The following KLHL12 variants were observed in gnomAD, a reference collection of about 807,000 sequenced individuals.
The protein encoded by KLHL12 is kelch like family member 12, also known as kelch-like protein 12.
KLHL12 carries 17 observed loss-of-function variants against 60.8 expected under a neutral mutation model. The observed-to-expected ratio is 0.28, with a 90% confidence interval of 0.19 to 0.42. The LOEUF is 0.42. Ranked by LOEUF, KLHL12 falls within the 10% of genes least tolerant of loss-of-function variation. The pLI is 1.00. For missense variants in KLHL12, 468 were observed against 722.3 expected, an observed-to-expected ratio of 0.65 and a Z score of 4.04; for synonymous variants, 220 against 250.9, an observed-to-expected ratio of 0.88 and a Z score of 1.16.
chr1:202,905,968 CTTTTTTTTTT>C (rs71142574), intron 6 of KLHL12, among the ~76,000 whole-genome samples: 3 of 51,670 alleles, frequency 5.8e-5, no homozygotes, highest in African/African-American at 1.5e-4. Flanking sequence ...CCACACCTGG[CTTTTTTTTTT>C]TTTTTTTTTT....
intron 4 of KLHL12, among the ~76,000 whole-genome samples, chr1:202,913,805 C>T (rs1027978101): frequency 5.3e-5 from 8 of 152,186 alleles, no homozygotes; most frequent in Non-Finnish European, 8.8e-5. Flanking sequence ...ACTAGAAATG[C>T]ATTGTCCAAT....
At position 202,919,738 on chromosome 1, in the gene KLHL12, A is replaced by C; in HGVS notation, c.349+17T>G. The C allele has an allele frequency of 6.3e-7, 1 of 1,582,284 alleles. No homozygotes were observed. On this transcript the variant is annotated intron_variant, in intron 3 of 11. Coordinates refer to ENST00000367261, the MANE Select transcript of KLHL12 (RefSeq NM_021633.4). Reference sequence around the variant, plus strand: ...GGCTATTTTGACATAAACAATAGCAAGTTTTAATGTCTGTACCTTTCAACT... The same window carrying C: ...GGCTATTTTGACATAAACAATAGCACGTTTTAATGTCTGTACCTTTCAACT...
At chr1:202,927,972 T>A (rs1188723657), upstream of KLHL12, among the ~76,000 whole-genome samples, 1 of 109,640 alleles carries the variant, frequency 9.1e-6, no homozygotes, top group Non-Finnish European at 1.8e-5. Context: ...CGACTGAGAC[T>A]CTGTCTCTTA....
chr1:202,920,306 T>TC (rs1389394939), intron 2 of KLHL12, among the ~76,000 whole-genome samples: 4 of 149,480 alleles, frequency 2.7e-5, no homozygotes, highest in African/African-American at 9.8e-5. Context: ...AGAGTGAGAC[T>TC]CCATTTCAAA....
intron 4 of KLHL12, 81 bp downstream of exon 4, chr1:202,918,090 A>G: frequency 2.0e-6 from 2 of 986,118 alleles, no homozygotes; most frequent in South Asian, 1.5e-5. Context: ...TGAAGCCCTG[A>G]TGGTAAGTAA....
Position 202,892,617 on chromosome 1 carries a change from G to A in KLHL12, c.1623C>T (p.Asp541=). Residue 541 remains aspartate (D), a synonymous_variant, in exon 12 of 12, where the codon GAC becomes GAT. Transcript: ENST00000367261. ...NSLLSSIECY[D]PIIDSWEVVT... The stretch of plus-strand genomic sequence containing the variant: ...CGACTTCCCAGCTGTCGATGATAGG[G>A]TCATAACATTCAATGCTACTTAGCA... 1.2e-6 allele frequency: 2 copies of A among 1,614,044 alleles called. No individual in the cohort carries two copies. The highest frequency in any genetic ancestry group is 1.1e-5 in the South Asian group (1 of 91,072).
At position 202,891,131 on chromosome 1, in the gene KLHL12, T is replaced by TTTTTAATATTTTTAA. The variant is rs545259753; in HGVS notation, c.*1401_*1402insTTAAAAATATTAAAA. 1.3e-3 allele frequency: 200 copies of TTTTTAATATTTTTAA among 152,492 alleles called. No homozygotes were observed. The highest frequency in any genetic ancestry group is 4.4e-3 in the African/African-American group (182 of 41,570). 9.4% of individuals were successfully genotyped at this position (152,492 alleles called of 1,614,324 possible). On this transcript the variant is annotated 3_prime_UTR_variant, in exon 12 of 12. Coordinates refer to ENST00000367261, the MANE Select transcript of KLHL12 (RefSeq NM_021633.4). The stretch of plus-strand genomic sequence containing the variant: ...ACAAACTCTCGGCATTTGAGACCGT[T>TTTTTAATATTTTTAA]GATTTTTAATATTTTCTTAAAAAAA...
rs1202376210 is a variant in KLHL12 at position 202,891,402 on chromosome 1, C to CA, written c.*1130dup. The CA allele has an allele frequency of 1.3e-5, 2 of 152,616 alleles. No individual in the cohort carries two copies. Among genetic ancestry groups the CA allele is most frequent in the African/African-American group, 2.4e-5 (1 of 41,452 alleles). The allele number at this position is 152,616 out of a possible 1,614,324, so 9.5% of individuals were successfully genotyped here. On this transcript the variant is annotated 3_prime_UTR_variant, in exon 12 of 12. Transcript: ENST00000367261. ...TCTGTCCTGTGATGAATAAAATCTA[C>CA]ACTAAAGGACAGGTAAGGAAAACTT...
rs145227005 is a variant in KLHL12, at chr1:202,900,060, C to A, written c.833-3100G>T. Among the ~76,000 whole-genome samples, 344 of 152,176 alleles carry A rather than the reference C, an allele frequency of 2.3e-3. 2 individuals are homozygous for A. Among genetic ancestry groups the A allele is most frequent in the African/African-American group, 7.7e-3 (321 of 41,508 alleles). ...GACAAGGTAAGTGTGATCCTTCTAT[C>A]CAAACACATTTCCCATGTAGATGAA... On this transcript the variant is annotated intron_variant, in intron 6 of 11. Transcript: ENST00000367261.
At position 202,893,522 on chromosome 1, in the gene KLHL12, C is replaced by T. The variant is rs952798335; in HGVS notation, c.1394-97G>A. On this transcript the variant is annotated intron_variant, in intron 10 of 11. Transcript: ENST00000367261. The surrounding 1 kb of genome is among the most constrained non-coding windows in gnomAD (Gnocchi z 4.1). The stretch of plus-strand genomic sequence containing the variant: ...GTCACTAATGACTAGCTGAGTTCTA[C>T]AGTAGATGAGGGATATGGAATGGGC... 9.6e-7 allele frequency: 1 copy of T among 1,040,576 alleles called. No individual in the cohort carries two copies. Among genetic ancestry groups the T allele is most frequent in the Non-Finnish European group, 1.4e-6 (1 of 700,138 alleles). 64.5% of individuals were successfully genotyped at this position (1,040,576 alleles called of 1,614,324 possible).
At chr1:202,912,160 A>G in intron 4 of KLHL12, 2 of 879,814 alleles carry the variant, frequency 2.3e-6, no homozygotes, top group Admixed American at 1.7e-5. Flanking sequence ...TAAAGAAGAC[A>G]CTGAAGAACA....
Position 202,918,184 on chromosome 1 carries a change from C to T in KLHL12, c.554G>A (p.Cys185Tyr). The change falls in exon 4 of 12, where the codon TGC becomes TAC. Residue 185 changes from cysteine (C) to tyrosine (Y), a missense_variant. Transcript: ENST00000367261. ...ACAAATCCGTACCTGAATTTCGTCG[C>T]ACTTGATTAGCTTTTCCACCTCTCC... is the stretch of plus-strand genomic sequence containing the variant. ...SQGEVEKLIK[C>Y]DEIQVDSEEP... is the part of the protein sequence containing the mutation. 3 of 1,613,344 alleles carry T rather than the reference C, an allele frequency of 1.9e-6. No individual in the cohort carries two copies. The highest frequency in any genetic ancestry group is 2.5e-6 in the Non-Finnish European group (3 of 1,179,342).
intron 6 of KLHL12, among the ~76,000 whole-genome samples, chr1:202,900,395 A>T (rs1027032832): frequency 3.3e-5 from 5 of 152,004 alleles, no homozygotes; most frequent in Middle Eastern, 3.4e-3. Context: ...AAAATAATAA[A>T]AAAAAATAGC....
At position 202,895,785 on chromosome 1, in the gene KLHL12, A is replaced by C; in HGVS notation, c.940-68T>G. 3 of 1,211,684 alleles carry C rather than the reference A, an allele frequency of 2.5e-6. No individual in the cohort carries two copies. Among genetic ancestry groups the C allele is most frequent in the Non-Finnish European group, 3.6e-6 (3 of 835,636 alleles). The allele number at this position is 1,211,684 out of a possible 1,614,324, so 75.1% of individuals were successfully genotyped here. The stretch of plus-strand genomic sequence containing the variant: ...CAAGTTTTGGGCCTTACCTTTTGCT[A>C]TCTTCCCTGTTGTATCTGCACACCT... On this transcript the variant is annotated intron_variant, in intron 7 of 11. Coordinates refer to ENST00000367261, the MANE Select transcript of KLHL12 (RefSeq NM_021633.4). The surrounding 1 kb of genome is among the most constrained non-coding windows in gnomAD (Gnocchi z 4.2).
chr1:202,907,835 G>A (rs1474537243), intron 6 of KLHL12, among the ~76,000 whole-genome samples: 1 of 151,464 alleles, frequency 6.6e-6, no homozygotes, highest in Non-Finnish European at 1.5e-5. Context: ...TTGAGTCCAG[G>A]AGGCTAAGGC....
rs369092945 is a variant in KLHL12 at position 202,922,632 on chromosome 1, G to A, written c.195+2336C>T. On this transcript the variant is annotated intron_variant, in intron 2 of 11. Transcript: ENST00000367261. ...CTCCCGAGTGGCTGGGACTACAGGCGCCCGCCACCACGCACGGCTAATTTT... is the reference window on the plus strand; with the variant it reads ...CTCCCGAGTGGCTGGGACTACAGGCACCCGCCACCACGCACGGCTAATTTT... Among the ~76,000 whole-genome samples the A allele has an allele frequency of 2.5e-3, 372 of 151,542 alleles. 1 individual carries two copies. The highest frequency in any genetic ancestry group is 8.4e-3 in the African/African-American group (348 of 41,372).
At chr1:202,905,052 CA>C (rs1195989110) in intron 6 of KLHL12, among the ~76,000 whole-genome samples, 1 of 152,146 alleles carries the variant, frequency 6.6e-6, no homozygotes, top group Non-Finnish European at 1.5e-5. Context: ...ATGGTAAGAA[CA>C]ATCTACCTGC....
intron 2 of KLHL12, among the ~76,000 whole-genome samples, chr1:202,924,691 C>T (rs1370158433): frequency 2.6e-5 from 4 of 152,162 alleles, no homozygotes; most frequent in Admixed American, 2.6e-4. Flanking sequence ...GTGTGTTTTA[C>T]TACATATTAC....
rs563390506 is a variant in KLHL12 at position 202,925,315 on chromosome 1, A to T, written c.-45-108T>A. On this transcript the variant is annotated intron_variant, in intron 1 of 11. Transcript: ENST00000367261. ...ACCTAAGAGGCTTCCTCAGACCCAA[A>T]CATACACAAGTTGAGGGCACTCCTA... The T allele has an allele frequency of 4.5e-6, 6 of 1,323,582 alleles. No individual in the cohort carries two copies. In the African/African-American group the frequency reaches 7.4e-5, roughly 16 times the overall value. 82.0% of individuals were successfully genotyped at this position (1,323,582 alleles called of 1,614,324 possible). A position where few individuals can be genotyped will look rare whatever the true frequency, so the allele number is the denominator to read the frequency against.
Sources: gnomAD v4.1 joint callset for allele counts (sites outside exome capture counted in the v4.1 genomes callset) on GRCh38, gnomAD v4.1.1 for gene constraint, Gnocchi (gnomAD v3.1) non-coding constraint, MANE v1.5 for transcripts, NCBI Gene and HGNC (gene_info 2026-07-23, HGNC 2026-07-21) for gene names.